The following GCLC variants were observed in gnomAD, a reference collection of about 807,000 sequenced individuals.
GCLC encodes glutamate-cysteine ligase catalytic subunit, also known as glutamate--cysteine ligase catalytic subunit.
A neutral mutation model predicts 81.5 loss-of-function variants in GCLC; 30 were observed. The ratio of observed to expected loss-of-function variants is 0.37; its 90% CI spans 0.28 to 0.50. The LOEUF (loss-of-function observed/expected upper bound fraction) is 0.50, where lower values mean the gene tolerates loss of function less well. Among genes scored for constraint, GCLC ranks in the 20% least tolerant of loss-of-function variants. GCLC has a pLI of 0.96. For synonymous variants in GCLC, 262 were observed against 273.3 expected, an observed-to-expected ratio of 0.96 and a Z score of 0.41; for missense variants, 556 against 777.4, an observed-to-expected ratio of 0.72 and a Z score of 3.39.
At chr6:53,501,806 G>C (rs541248020) in intron 12 of GCLC, among the ~76,000 whole-genome samples, 1 of 152,132 alleles carries the variant, frequency 6.6e-6, no homozygotes, top group South Asian at 2.1e-4. Flanking sequence ...CCTTAGTCTT[G>C]AAAAAAGTTC....
intron 6 of GCLC, 47 bp from the exon 7 acceptor site, chr6:53,509,297 G>T: frequency 8.9e-7 from 1 of 1,125,938 alleles, no homozygotes; most frequent in Non-Finnish European, 1.4e-6. Flanking sequence ...TCATTAGCAT[G>T]CTCCCCAAGC....
chr6:53,533,422 A>G (rs1581747539), intron 1 of GCLC, among the ~76,000 whole-genome samples: 1 of 151,982 alleles, frequency 6.6e-6, no homozygotes, highest in Admixed American at 6.6e-5. Flanking sequence ...GTCCTTCCCC[A>G]CCTCTTGAAA....
intron 1 of GCLC, among the ~76,000 whole-genome samples, chr6:53,541,528 G>A (rs1181136000): frequency 1.3e-5 from 2 of 152,008 alleles, no homozygotes; most frequent in Non-Finnish European, 2.9e-5. Flanking sequence ...AATGAGCAGC[G>A]GGTTATGCTT....
chr6:53,537,775 T>G (rs1763281212), intron 1 of GCLC, among the ~76,000 whole-genome samples: 1 of 152,138 alleles, frequency 6.6e-6, no homozygotes, highest in Non-Finnish European at 1.5e-5. Flanking sequence ...TGTGGAATGT[T>G]TCATTCCTCA....
Position 53,544,750 on chromosome 6 carries a change from C to A in GCLC, c.-105G>T, listed in dbSNP as rs1481765183. The A allele has an allele frequency of 4.3e-6, 5 of 1,166,386 alleles. No individual in the cohort carries two copies. The highest frequency in any genetic ancestry group is 5.9e-6 in the Non-Finnish European group (5 of 854,158). 72.3% of individuals were successfully genotyped at this position (1,166,386 alleles called of 1,614,324 possible). On this transcript the variant is annotated 5_prime_UTR_variant, in exon 1 of 16. Coordinates refer to ENST00000650454, the MANE Select transcript of GCLC (RefSeq NM_001498.4). ...CCCGCAGAAGGCGGCTGCCGCTCCACCCCGCGGGGGCGCTCTCGGGCCGCA... is the reference window on the plus strand; with the variant it reads ...CCCGCAGAAGGCGGCTGCCGCTCCAACCCGCGGGGGCGCTCTCGGGCCGCA...
intron 12 of GCLC, among the ~76,000 whole-genome samples, chr6:53,502,434 T>A (rs1764531347): frequency 6.6e-6 from 1 of 152,216 alleles, no homozygotes; most frequent in Non-Finnish European, 1.5e-5. Context: ...TAGTAAATAG[T>A]ACCAGGGATT....
rs565779381 is a variant in GCLC at position 53,499,905 on chromosome 6, GAATAC to G, written c.1702+135_1702+139del. On this transcript the variant is annotated intron_variant, in intron 15 of 15. Coordinates refer to ENST00000650454, the MANE Select transcript of GCLC (RefSeq NM_001498.4). Reference sequence around the variant, plus strand: ...TTATGAGTGTCAAAGATTATAAGGTGAATACAATTGCAGAAATATAAAAATGTGAA... The same window carrying G: ...TTATGAGTGTCAAAGATTATAAGGTGAATTGCAGAAATATAAAAATGTGAA... 2.1e-3 allele frequency: 1,468 copies of G among 689,740 alleles called. 2 individuals carry two copies. Among genetic ancestry groups the G allele is most frequent in the Non-Finnish European group, 2.6e-3 (1,035 of 395,188 alleles). The allele number at this position is 689,740 out of a possible 1,614,324, so 42.7% of individuals were successfully genotyped here.
In GCLC at chr6:53,545,040, G is replaced by C. The variant is rs1183667993; in HGVS notation, c.-395C>G. The C allele has an allele frequency of 1.9e-5, 3 of 159,742 alleles. No homozygotes were observed. Among genetic ancestry groups the C allele is most frequent in the Non-Finnish European group, 4.1e-5 (3 of 73,352 alleles). The allele number at this position is 159,742 out of a possible 1,614,324, so 9.9% of individuals were successfully genotyped here. On this transcript the variant is annotated 5_prime_UTR_variant, in exon 1 of 16. Coordinates refer to ENST00000650454, the MANE Select transcript of GCLC (RefSeq NM_001498.4). ...GGTGCACTGGCTTCTTCCTACTTGTGACCAAAACCTGCGCCGCCGCGGAGC... is the reference window on the plus strand; with the variant it reads ...GGTGCACTGGCTTCTTCCTACTTGTCACCAAAACCTGCGCCGCCGCGGAGC...
chr6:53,524,100 G>A (rs972515000), intron 1 of GCLC, among the ~76,000 whole-genome samples: 1 of 152,222 alleles, frequency 6.6e-6, no homozygotes. Flanking sequence ...ATGGGTATGT[G>A]AAAAGATACA....
Position 53,516,284 on chromosome 6 carries a change from C to T in GCLC, c.447-62G>A, listed in dbSNP as rs541026693. 9 of 1,032,658 alleles carry T rather than the reference C, an allele frequency of 8.7e-6. No individual in the cohort carries two copies. The African/African-American group carries it at 9.4e-5, about 11-fold the overall frequency. The allele number at this position is 1,032,658 out of a possible 1,614,324, so 64.0% of individuals were successfully genotyped here. A position where few individuals can be genotyped will look rare whatever the true frequency, so the allele number is the denominator to read the frequency against. Reference sequence around the variant, plus strand: ...TTTTCAAGAATTAATTGTGTGCAGTCTTGCCATCACTGCACCTGCCAAAGA... The same window carrying T: ...TTTTCAAGAATTAATTGTGTGCAGTTTTGCCATCACTGCACCTGCCAAAGA... On this transcript the variant is annotated intron_variant, in intron 3 of 15. Transcript: ENST00000650454.
chr6:53,526,082 TAAA>T (rs201178593), intron 1 of GCLC, among the ~76,000 whole-genome samples: 1,959 of 152,240 alleles, frequency 0.013, 37 homozygotes, highest in African/African-American at 0.044. Flanking sequence ...AAGACCAGAA[TAAA>T]AGTCATTAAT....
chr6:53,500,079 C>T lies in GCLC; in HGVS notation c.1668G>A (p.Leu556=), dbSNP rs750046035. 1.2e-6 allele frequency: 2 copies of T among 1,607,078 alleles called. No homozygotes were observed. The highest frequency in any genetic ancestry group is 1.3e-5 in the African/African-American group (1 of 74,898). Reference sequence around the variant, plus strand: ...TCTTCTTAATTAGCTTTAGGTAGTTCAGAATACTACATCTGGTGTCCACAT... The same window carrying T: ...TCTTCTTAATTAGCTTTAGGTAGTTTAGAATACTACATCTGGTGTCCACAT... The part of the protein sequence containing the change: ...EVDVDTRCSI[L]NYLKLIKKRA... The change falls in exon 15 of 16, where the codon CTG becomes CTA. Residue 556 remains leucine (L), a synonymous_variant. Coordinates refer to ENST00000650454, the MANE Select transcript of GCLC (RefSeq NM_001498.4).
chr6:53,499,969 T>A, intron 15 of GCLC, 76 bp downstream of exon 15: 1 of 1,060,924 alleles, frequency 9.4e-7, no homozygotes, highest in Non-Finnish European at 1.5e-6. Context: ...TTTAAAAGAC[T>A]ACTTTAAGAA....
chr6:53,543,179 A>C (rs1020215292), intron 1 of GCLC, among the ~76,000 whole-genome samples: 15 of 152,248 alleles, frequency 9.9e-5, no homozygotes, highest in African/African-American at 3.6e-4. Flanking sequence ...GAGGTGAACA[A>C]GCATAATGTC....
At chr6:53,504,691 T>C (rs992265598) in intron 12 of GCLC, among the ~76,000 whole-genome samples, 9 of 152,258 alleles carry the variant, frequency 5.9e-5, no homozygotes, top group African/African-American at 2.2e-4. Context: ...AGGAAGGAGA[T>C]GCCCCAGGGG....
At chr6:53,543,150 G>A (rs560088569) in intron 1 of GCLC, among the ~76,000 whole-genome samples, 179 of 152,292 alleles carry the variant, frequency 1.2e-3, no homozygotes, top group Non-Finnish European at 1.9e-3. Flanking sequence ...CAGGCACAAG[G>A]CTGGGCTCTA....
At chr6:53,518,948 C>T (rs1200337422) in intron 3 of GCLC, among the ~76,000 whole-genome samples, 2 of 152,186 alleles carry the variant, frequency 1.3e-5, no homozygotes, top group Admixed American at 1.3e-4. Context: ...AGTTCACTGA[C>T]TCTGTCATCT....
chr6:53,530,319 A>G (rs1763150429), intron 1 of GCLC, among the ~76,000 whole-genome samples: 1 of 152,210 alleles, frequency 6.6e-6, no homozygotes, highest in African/African-American at 2.4e-5. Context: ...CCATTCAGGA[A>G]TCGTACCTGG....
chr6:53,499,752 A>G (rs952831665), intron 15 of GCLC, among the ~76,000 whole-genome samples: 3 of 152,192 alleles, frequency 2.0e-5, no homozygotes, highest in African/African-American at 7.2e-5. Context: ...ATGATGTAAG[A>G]TCAACACAGT....
Sources: allele counts gnomAD v4.1 joint callset (sites outside exome capture counted in the v4.1 genomes callset), GRCh38; gene constraint gnomAD v4.1.1; transcripts MANE v1.5; gene names NCBI Gene and HGNC (gene_info 2026-07-23, HGNC 2026-07-21).